Variants in RDH12 observed in about 807,000 individuals in gnomAD.
The protein encoded by RDH12 is retinol dehydrogenase 12.
RDH12 carries 21 observed loss-of-function variants against 34.0 expected under a neutral mutation model. The observed-to-expected ratio is 0.62, with a 90% CI of 0.44 to 0.89. RDH12 has a LOEUF of 0.89. Ranked by LOEUF, RDH12 falls within the 40% of genes least tolerant of loss-of-function variation. The probability of loss-of-function intolerance (pLI) is 0.00; values close to 1 mark genes in which losing one functional copy is unlikely to be tolerated. For missense variants in RDH12, 394 were observed against 398.6 expected (o/e 0.99, Z 0.10); for synonymous variants, 198 against 169.9 (o/e 1.17, Z -1.29).
chr14:67,712,002 C>G (rs937053193), intron 1 of RDH12, among the ~76,000 whole-genome samples: 1 of 152,134 alleles, frequency 6.6e-6, no homozygotes, highest in Non-Finnish European at 1.5e-5. Context: ...TCACTGCAAC[C>G]TCCTCCTCCC....
intron 1 of RDH12, among the ~76,000 whole-genome samples, 194 bp from the exon 2 acceptor site, chr14:67,720,654 C>T (rs539676492): frequency 6.6e-6 from 1 of 152,274 alleles, no homozygotes; most frequent in East Asian, 1.9e-4. Context: ...TCTTGCCTTT[C>T]CATTCTGTTC....
intron 7 of RDH12, among the ~76,000 whole-genome samples, 176 bp from the exon 8 acceptor site, chr14:67,729,015 T>C (rs943660025): frequency 6.6e-6 from 1 of 152,228 alleles, no homozygotes; most frequent in Admixed American, 6.5e-5. Context: ...TAGATCTTTC[T>C]GAAAGATCAA....
At chr14:67,722,939 G>GA (rs1351452257) in intron 3 of RDH12, among the ~76,000 whole-genome samples, 1 of 152,196 alleles carries the variant, frequency 6.6e-6, no homozygotes, top group Non-Finnish European at 1.5e-5. Flanking sequence ...GAGCTCTGGG[G>GA]AGAGTTCTAC....
At chr14:67,727,446 G>T in intron 7 of RDH12, 4 of 417,164 alleles carry the variant, frequency 9.6e-6, no homozygotes, top group East Asian at 5.1e-5. Context: ...GATTTTCACA[G>T]TAGCTTTTTG....
intron 1 of RDH12, among the ~76,000 whole-genome samples, chr14:67,715,604 T>G (rs2320028): frequency 6.6e-6 from 1 of 152,298 alleles, no homozygotes; most frequent in East Asian, 1.9e-4. Flanking sequence ...AATCCCTTAG[T>G]TTCATTTCTA....
chr14:67,714,387 T>G (rs1049615484), intron 1 of RDH12, among the ~76,000 whole-genome samples: 1 of 152,216 alleles, frequency 6.6e-6, no homozygotes, highest in Non-Finnish European at 1.5e-5. Context: ...TCCTCCTGCC[T>G]TGGCCTCCCA....
In RDH12 at chr14:67,734,049, C is replaced by A. The variant is rs886050644; in HGVS notation, c.*201C>A. On this transcript the variant is annotated 3_prime_UTR_variant, in exon 9 of 9. Coordinates refer to ENST00000551171, the MANE Select transcript of RDH12 (RefSeq NM_152443.3). Reference sequence around the variant, plus strand: ...TGGCTTATGGCATGAGTTGTGGACACCTATAGAGTGTTCTTCTCTAAGACC... The same window carrying A: ...TGGCTTATGGCATGAGTTGTGGACAACTATAGAGTGTTCTTCTCTAAGACC... 2.1e-6 allele frequency: 1 copy of A among 479,974 alleles called. No individual in the cohort carries two copies. The highest frequency in any genetic ancestry group is 3.9e-6 in the Non-Finnish European group (1 of 254,570). The allele number at this position is 479,974 out of a possible 1,614,324, so 29.7% of individuals were successfully genotyped here. A position where few individuals can be genotyped will look rare whatever the true frequency, so the allele number is the denominator to read the frequency against.
intron 1 of RDH12, among the ~76,000 whole-genome samples, chr14:67,718,187 G>A (rs1594862539): frequency 6.6e-6 from 1 of 152,170 alleles, no homozygotes; most frequent in African/African-American, 2.4e-5. Flanking sequence ...CTGTGGTGCT[G>A]TACGGGCTCC....
rs546413068 is a variant in RDH12 at position 67,711,625 on chromosome 14, G to A, written c.-274-9223G>A. On this transcript the variant is annotated intron_variant, in intron 1 of 8. Coordinates refer to ENST00000551171, the MANE Select transcript of RDH12 (RefSeq NM_152443.3). Reference sequence around the variant, plus strand: ...CATTGACATATTAGTCATGCCAATAGAAGTACATCTTATAGATTCATAAAG... The same window carrying A: ...CATTGACATATTAGTCATGCCAATAAAAGTACATCTTATAGATTCATAAAG... Among the ~76,000 whole-genome samples, 54 of 152,304 alleles carry A rather than the reference G, an allele frequency of 3.5e-4. No homozygotes were observed. The South Asian group carries it at 0.011, about 32-fold the overall frequency.
At chr14:67,733,141 AC>A (rs1397115504) in intron 8 of RDH12, among the ~76,000 whole-genome samples, 8 of 146,394 alleles carry the variant, frequency 5.5e-5, no homozygotes, top group Admixed American at 4.1e-4. Flanking sequence ...ATTAAAAAAA[AC>A]AAAAAAAAAC....
chr14:67,733,133 TAAAAAAAACAA>T (rs2038307143), intron 8 of RDH12, among the ~76,000 whole-genome samples: 2 of 150,852 alleles, frequency 1.3e-5, no homozygotes, highest in Admixed American at 1.3e-4. Flanking sequence ...ATAATAAAAT[TAAAAAAAACAA>T]AAAAAAACAT....
In RDH12 at chr14:67,724,572, C is replaced by A. The variant is rs752528509; in HGVS notation, c.168C>A (p.Ala56=). Residue 56 remains alanine (A), a synonymous_variant, in exon 4 of 9, where the codon GCC becomes GCA. Transcript: ENST00000551171. ...GANTGIGKET[A]RELASRGARV... ...ACACGGGCATTGGCAAGGAGACGGC[C>A]AGAGAGCTCGCTAGCCGAGGTAAGT... is the stretch of plus-strand genomic sequence containing the variant. 2.5e-6 allele frequency: 4 copies of A among 1,613,176 alleles called. No homozygotes were observed. The African/African-American group carries it at 5.3e-5, about 22-fold the overall frequency.
At chr14:67,702,103 C>G (rs2037906117) in intron 1 of RDH12, among the ~76,000 whole-genome samples, 168 bp downstream of exon 1, 1 of 151,974 alleles carries the variant, frequency 6.6e-6, no homozygotes, top group Non-Finnish European at 1.5e-5. Flanking sequence ...AGTCATGAAC[C>G]ACTGTGCCCA....
intron 1 of RDH12, among the ~76,000 whole-genome samples, chr14:67,703,103 A>C (rs574758790): frequency 6.6e-6 from 1 of 152,272 alleles, no homozygotes; most frequent in South Asian, 2.1e-4. Flanking sequence ...TGCTGGCATG[A>C]GTCACCTCAT....
intron 1 of RDH12, among the ~76,000 whole-genome samples, chr14:67,709,054 G>A (rs1297329830): frequency 6.6e-6 from 1 of 152,188 alleles, no homozygotes; most frequent in Non-Finnish European, 1.5e-5. Flanking sequence ...GCTTCCCAAA[G>A]TGCTGGGATT....
chr14:67,725,384 C>G, intron 5 of RDH12, 130 bp downstream of exon 5: 1 of 940,868 alleles, frequency 1.1e-6, no homozygotes, highest in Non-Finnish European at 1.7e-6. Context: ...CCACATGAAC[C>G]AGCAGGACAG....
rs148254733 is a variant in RDH12 at position 67,727,330 on chromosome 14, A to G, written c.658+140A>G. ...CTAAGGAGAATGAAATTATGAATGG[A>G]ATAAAAACAGAGTGCTTGCCCCCAG... is the stretch of plus-strand genomic sequence containing the variant. On this transcript the variant is annotated intron_variant, in intron 7 of 8. Coordinates refer to ENST00000551171, the MANE Select transcript of RDH12 (RefSeq NM_152443.3). 7.6e-4 allele frequency: 572 copies of G among 753,826 alleles called. 3 individuals are homozygous for G. The African/African-American group carries it at 9.0e-3, about 12-fold the overall frequency. 46.7% of individuals were successfully genotyped at this position (753,826 alleles called of 1,614,324 possible).
chr14:67,706,205 G>T, intron 1 of RDH12: 1 of 152,408 alleles, frequency 6.6e-6, no homozygotes, highest in South Asian at 2.0e-4. Context: ...TAGTGCCTAT[G>T]AACAGCCACT....
At chr14:67,718,783 T>C (rs1190919161) in intron 1 of RDH12, among the ~76,000 whole-genome samples, 1 of 152,180 alleles carries the variant, frequency 6.6e-6, no homozygotes, top group Non-Finnish European at 1.5e-5. Context: ...ATTACAATGA[T>C]GAAGTGGGTG....
Sources: gnomAD v4.1 joint callset for allele counts (sites outside exome capture counted in the v4.1 genomes callset) on GRCh38, gnomAD v4.1.1 for gene constraint, MANE v1.5 for transcripts, NCBI Gene and HGNC (gene_info 2026-07-23, HGNC 2026-07-21) for gene names.